Variants in KCNH5 observed in about 807,000 individuals in gnomAD.
KCNH5 encodes voltage-gated delayed rectifier potassium channel KCNH5.
A neutral mutation model predicts 96.1 loss-of-function variants in KCNH5; 46 were observed. The ratio of observed to expected loss-of-function variants is 0.48; its 90% CI spans 0.38 to 0.61. The LOEUF is 0.61. KCNH5 is among the 20% of genes least tolerant of loss of function. The probability of loss-of-function intolerance (pLI) is 0.00; values close to 1 mark genes in which losing one functional copy is unlikely to be tolerated. For synonymous variants in KCNH5, 439 were observed against 449.8 expected (o/e 0.98, Z 0.30); for missense variants, 907 against 1,225.8 (o/e 0.74, Z 3.88).
At chr14:62,968,758 G>C (rs769341047) in intron 6 of KCNH5, among the ~76,000 whole-genome samples, 11 of 152,154 alleles carry the variant, frequency 7.2e-5, no homozygotes, top group Non-Finnish European at 1.5e-5. Context: ...CAGGCATCTT[G>C]GTAGGTATAC....
intron 2 of KCNH5, among the ~76,000 whole-genome samples, chr14:63,008,831 G>C (rs1346899081): frequency 6.6e-6 from 1 of 151,790 alleles, no homozygotes; most frequent in Admixed American, 6.6e-5. Context: ...AATTAAATTA[G>C]AATTATTCAG....
intron 5 of KCNH5, among the ~76,000 whole-genome samples, chr14:62,984,763 A>C (rs1461829297): frequency 6.6e-6 from 1 of 151,648 alleles, no homozygotes; most frequent in East Asian, 1.9e-4. Context: ...AGAGCAAAGA[A>C]AAAAAAAACA....
At chr14:62,917,183 CA>C (rs1889291753) in intron 7 of KCNH5, among the ~76,000 whole-genome samples, 1 of 152,150 alleles carries the variant, frequency 6.6e-6, no homozygotes, top group Non-Finnish European at 1.5e-5. Context: ...GTACCTAATA[CA>C]TAGCTTTACA....
In KCNH5 at chr14:62,707,529, G is replaced by A. The variant is rs878916071; in HGVS notation, c.2946C>T (p.Asp982=). The change falls in exon 11 of 11, where the codon GAC becomes GAT. Residue 982 remains aspartate, a synonymous_variant. Transcript: ENST00000322893. ...TATATTAAAAGTGGATTTCATCTTT[G>A]TCAGATTCAGGTGATTCAGGCCTTG... ...SVSRPESPES[D]KDEIHF is the part of the protein sequence containing the mutation. 1 of 1,449,760 alleles carries A rather than the reference G, an allele frequency of 6.9e-7. No homozygotes were observed. Among genetic ancestry groups the A allele is most frequent in the Non-Finnish European group, 9.1e-7 (1 of 1,096,946 alleles). 89.8% of individuals were successfully genotyped at this position (1,449,760 alleles called of 1,614,324 possible). A position where few individuals can be genotyped will look rare whatever the true frequency, so the allele number is the denominator to read the frequency against.
At chr14:62,818,107 G>A (rs867764093) in intron 8 of KCNH5, among the ~76,000 whole-genome samples, 2 of 113,012 alleles carry the variant, frequency 1.8e-5, no homozygotes, top group South Asian at 3.3e-4. Context: ...AGGAGCTGGG[G>A]GCGGGGGGGG....
At chr14:62,726,069 T>G (rs1475836978) in intron 10 of KCNH5, among the ~76,000 whole-genome samples, 1 of 152,166 alleles carries the variant, frequency 6.6e-6, no homozygotes, top group East Asian at 1.9e-4. Context: ...CATTTAAATA[T>G]AAGTACCGGA....
chr14:62,760,749 A>C (rs1885729454), intron 10 of KCNH5, among the ~76,000 whole-genome samples: 1 of 152,198 alleles, frequency 6.6e-6, no homozygotes, highest in African/African-American at 2.4e-5. Flanking sequence ...GAATTGCTTC[A>C]TTTGATTCCT....
chr14:62,788,651 T>C (rs1452436840), intron 9 of KCNH5, among the ~76,000 whole-genome samples: 2 of 152,032 alleles, frequency 1.3e-5, no homozygotes, highest in African/African-American at 4.8e-5. Context: ...GTTTAAGAAA[T>C]TGCCCCCTCT....
At chr14:62,725,950 T>C (rs1884915691) in intron 10 of KCNH5, among the ~76,000 whole-genome samples, 1 of 152,142 alleles carries the variant, frequency 6.6e-6, no homozygotes. Context: ...AGCACAAGAA[T>C]AGACAATAAG....
chr14:62,743,646 A>G (rs2139937319), intron 10 of KCNH5, among the ~76,000 whole-genome samples: 2 of 152,280 alleles, frequency 1.3e-5, no homozygotes, highest in African/African-American at 2.4e-5. Context: ...GCATCAAAAC[A>G]TAAACTCTCT....
intron 9 of KCNH5, among the ~76,000 whole-genome samples, chr14:62,801,992 C>G (rs1595628915): frequency 6.6e-6 from 1 of 152,126 alleles, no homozygotes; most frequent in African/African-American, 2.4e-5. Context: ...GAGACTAACA[C>G]CCTTCATCAC....
intron 7 of KCNH5, among the ~76,000 whole-genome samples, chr14:62,886,060 T>G (rs995317343): frequency 6.6e-6 from 1 of 151,914 alleles, no homozygotes; most frequent in Admixed American, 6.6e-5. Context: ...CCTCTCACAA[T>G]CATTAGTCAT....
intron 10 of KCNH5, among the ~76,000 whole-genome samples, chr14:62,733,145 T>C (rs1317803425): frequency 6.6e-6 from 1 of 152,174 alleles, no homozygotes; most frequent in Admixed American, 6.6e-5. Context: ...GCTTCTTTCC[T>C]GCTGGGTCCC....
chr14:62,938,094 C>T lies in KCNH5; in HGVS notation c.1369+12039G>A, dbSNP rs562981223. On this transcript the variant is annotated intron_variant, in intron 7 of 10. Transcript: ENST00000322893. Reference sequence around the variant, plus strand: ...TAGGGGCATGAATTTAAATGTCTTTCCCTTACAGGACACTTTAAATGAGTA... The same window carrying T: ...TAGGGGCATGAATTTAAATGTCTTTTCCTTACAGGACACTTTAAATGAGTA... Among the ~76,000 whole-genome samples, 3 of 152,280 alleles carry T rather than the reference C, an allele frequency of 2.0e-5. No individual in the cohort carries two copies. In the East Asian group the frequency reaches 5.8e-4, roughly 29 times the overall value.
intron 6 of KCNH5, among the ~76,000 whole-genome samples, chr14:62,958,856 T>C (rs2140136799): frequency 1.3e-5 from 2 of 152,270 alleles, no homozygotes; most frequent in South Asian, 4.1e-4. Flanking sequence ...GTTTCCTGTT[T>C]TTCTTGTAAA....
In KCNH5 at chr14:62,775,032, T is replaced by G. The variant is rs536044406; in HGVS notation, c.2019+4696A>C. 3.9e-5 allele frequency among the ~76,000 whole-genome samples: 6 copies of G among 152,358 alleles called. No homozygotes were observed. In the South Asian group the frequency reaches 1.2e-3, roughly 32 times the overall value. ...TTACAGTAATCTATGTACTTCTGTC[T>G]AGCAGCAAGTCTAATAACTATCATA... On this transcript the variant is annotated intron_variant, in intron 10 of 10. Transcript: ENST00000322893.
chr14:62,804,393 G>T (rs573219031), intron 8 of KCNH5, among the ~76,000 whole-genome samples: 2 of 152,130 alleles, frequency 1.3e-5, no homozygotes, highest in Admixed American at 1.3e-4. Context: ...CAATATATTA[G>T]TCATTCTATA....
intron 2 of KCNH5, among the ~76,000 whole-genome samples, chr14:63,015,600 A>G (rs1891311398): frequency 6.6e-6 from 1 of 151,986 alleles, no homozygotes; most frequent in Non-Finnish European, 1.5e-5. Context: ...GAATTGATTA[A>G]TTCACAGATA....
At chr14:62,925,000 T>C (rs1889446853) in intron 7 of KCNH5, among the ~76,000 whole-genome samples, 1 of 152,036 alleles carries the variant, frequency 6.6e-6, no homozygotes, top group African/African-American at 2.4e-5. Context: ...AGGTGGTGGA[T>C]ATGTTAATTA....
Sources: allele counts gnomAD v4.1 joint callset (sites outside exome capture counted in the v4.1 genomes callset), GRCh38; gene constraint gnomAD v4.1.1; transcripts MANE v1.5; gene names NCBI Gene and HGNC (gene_info 2026-07-23, HGNC 2026-07-21).